Variants in HOGA1 observed in about 807,000 individuals in gnomAD.
HOGA1 encodes 4-hydroxy-2-oxoglutarate aldolase, mitochondrial.
HOGA1 carries 30 observed loss-of-function variants against 34.3 expected under a neutral mutation model. The observed-to-expected ratio is 0.87, with a 90% CI of 0.65 to 1.19. HOGA1 has a LOEUF of 1.19. Ranked by LOEUF, HOGA1 falls within the 50% of genes most tolerant of loss-of-function variation. The pLI is 0.00. For missense variants in HOGA1, 417 were observed against 436.5 expected, an observed-to-expected ratio of 0.96 and a Z score of 0.40; for synonymous variants, 161 against 174.0, an observed-to-expected ratio of 0.93 and a Z score of 0.59.
chr10:97,594,061 G>A (rs190238443), intron 1 of HOGA1, among the ~76,000 whole-genome samples: 8 of 151,632 alleles, frequency 5.3e-5, no homozygotes, highest in South Asian at 2.1e-4. Flanking sequence ...TAGAGATAGC[G>A]TTTCACCACG....
intron 6 of HOGA1, among the ~76,000 whole-genome samples, chr10:97,606,150 A>AT: frequency 6.7e-6 from 1 of 150,326 alleles, no homozygotes; most frequent in Non-Finnish European, 1.5e-5. Context: ...AAAAAAAAAA[A>AT]ATTAGCTGCG....
At chr10:97,600,595 T>A (rs2041108577) in intron 5 of HOGA1, 2 of 260,352 alleles carry the variant, frequency 7.7e-6, no homozygotes, top group Admixed American at 5.0e-5. Flanking sequence ...GCCAGGGATC[T>A]TCAGTTGCCT....
chr10:97,602,232 A>C, intron 6 of HOGA1: 1 of 1,504,630 alleles, frequency 6.6e-7, no homozygotes, highest in East Asian at 2.6e-5. Flanking sequence ...GGGCGAATTA[A>C]AGTTCCAACT....
In HOGA1 at chr10:97,612,011, T is replaced by C. The variant is rs545072905; in HGVS notation, c.*352T>C. 4.9e-5 allele frequency: 10 copies of C among 203,456 alleles called. No individual in the cohort carries two copies. The highest frequency in any genetic ancestry group is 3.5e-4 in the Admixed American group (6 of 17,328). 12.6% of individuals were successfully genotyped at this position (203,456 alleles called of 1,614,324 possible). On this transcript the variant is annotated 3_prime_UTR_variant, in exon 7 of 7. Transcript: ENST00000370646. ...GGGCAAGTAGGCACAGTAAGGGAAT[T>C]TTCTTTTCTTTTTTTTTTTTTTTGA...
At chr10:97,602,280 T>C (rs2041125196) in intron 6 of HOGA1, 2 of 1,374,062 alleles carry the variant, frequency 1.5e-6, no homozygotes, top group African/African-American at 2.9e-5. Flanking sequence ...AAACATCCTG[T>C]GTGATTGTGA....
At chr10:97,600,444 T>G in intron 5 of HOGA1, 1 of 514,050 alleles carries the variant, frequency 1.9e-6, no homozygotes, top group Non-Finnish European at 3.5e-6. Context: ...CATGATTAGA[T>G]GACAAACTTA....
At chr10:97,590,506 T>C (rs527640057) in intron 1 of HOGA1, 8 of 1,612,356 alleles carry the variant, frequency 5.0e-6, no homozygotes, top group Non-Finnish European at 6.8e-6. Flanking sequence ...ATGGCCACAG[T>C]CACCACAGTC....
Position 97,611,678 on chromosome 10 carries a change from G to C in HOGA1, c.*19G>C, listed in dbSNP as rs372613860. ...GCTCTGAGGGCAGGCAGGGTCCATG[G>C]CTGGCCTGAGCCCATCTCAGCCTCC... On this transcript the variant is annotated 3_prime_UTR_variant, in exon 7 of 7. Transcript: ENST00000370646. 6.2e-7 allele frequency: 1 copy of C among 1,606,642 alleles called. No individual in the cohort carries two copies.
intron 1 of HOGA1, 146 bp from the exon 2 acceptor site, chr10:97,598,629 C>T: frequency 9.6e-7 from 1 of 1,046,470 alleles, no homozygotes; most frequent in Non-Finnish European, 1.5e-6. Flanking sequence ...ATGATGTGAA[C>T]AGTCATTGCA....
At chr10:97,590,537 C>T (rs2041013246) in intron 1 of HOGA1, 4 of 1,612,264 alleles carry the variant, frequency 2.5e-6, no homozygotes, top group Non-Finnish European at 3.4e-6. Context: ...CCCAAGCCAC[C>T]AGAGCCACAG....
At position 97,603,274 on chromosome 10, in the gene HOGA1, C is replaced by A. The variant is rs542127187; in HGVS notation, c.834+1284C>A. On this transcript the variant is annotated intron_variant, in intron 6 of 6. Coordinates refer to ENST00000370646, the MANE Select transcript of HOGA1 (RefSeq NM_138413.4). The surrounding 1 kb of genome is among the most constrained non-coding windows in gnomAD (Gnocchi z 4.5). ...CTGCCTCGGCCTCCCAATCTTTTTT[C>A]TTTTATTTTTTTTATTTTCGAAACA... is the stretch of plus-strand genomic sequence containing the variant. Among the ~76,000 whole-genome samples, 1 of 151,886 alleles carries A rather than the reference C, an allele frequency of 6.6e-6. No individual in the cohort carries two copies. The highest frequency in any genetic ancestry group is 2.4e-5 in the African/African-American group (1 of 41,350).
At chr10:97,599,036 T>C in intron 2 of HOGA1, 53 bp from the exon 3 acceptor site, 1 of 1,609,172 alleles carries the variant, frequency 6.2e-7, no homozygotes, top group East Asian at 2.2e-5. Flanking sequence ...TGGCCCAGTG[T>C]CCTGGTCCAG....
intron 1 of HOGA1, among the ~76,000 whole-genome samples, chr10:97,591,467 A>G (rs537456708): frequency 4.5e-4 from 68 of 152,278 alleles, no homozygotes; most frequent in Admixed American, 1.6e-3. Flanking sequence ...TTACATGGGC[A>G]GGATGTTCAG....
intron 1 of HOGA1, chr10:97,590,817 G>A (rs545359905): frequency 1.1e-4 from 62 of 585,744 alleles, no homozygotes; most frequent in Middle Eastern, 9.4e-4. Flanking sequence ...CACAGCGCAG[G>A]TGAGATAGAC....
At chr10:97,591,385 G>C (rs2041021554) in intron 1 of HOGA1, among the ~76,000 whole-genome samples, 1 of 152,138 alleles carries the variant, frequency 6.6e-6, no homozygotes, top group Admixed American at 6.5e-5. Context: ...TACTGAGTGA[G>C]CACAACACTT....
At chr10:97,585,099 C>T (rs1030046742) in intron 1 of HOGA1, among the ~76,000 whole-genome samples, 185 bp downstream of exon 1, 12 of 152,178 alleles carry the variant, frequency 7.9e-5, no homozygotes, top group Non-Finnish European at 1.6e-4. Flanking sequence ...GGAAGCTCCA[C>T]GCTGGCCTGT....
chr10:97,595,422 T>G (rs992134363), intron 1 of HOGA1, among the ~76,000 whole-genome samples: 10 of 152,192 alleles, frequency 6.6e-5, no homozygotes, highest in African/African-American at 2.4e-4. Flanking sequence ...AGGCTGGGTG[T>G]GATGGCTCAT....
chr10:97,602,363 G>C, intron 6 of HOGA1: 1 of 1,199,962 alleles, frequency 8.3e-7, no homozygotes, highest in Non-Finnish European at 1.1e-6. Context: ...CTAAATCCGT[G>C]CTATCGGGGG....
At chr10:97,596,708 CAA>C (rs34186645) in intron 1 of HOGA1, among the ~76,000 whole-genome samples, 81 of 89,322 alleles carry the variant, frequency 9.1e-4, no homozygotes, top group South Asian at 1.8e-3. Context: ...AAATAACTAC[CAA>C]AAAAAAAAAA....
Sources: gnomAD v4.1 joint callset for allele counts (sites outside exome capture counted in the v4.1 genomes callset) on GRCh38, gnomAD v4.1.1 for gene constraint, Gnocchi (gnomAD v3.1) non-coding constraint, MANE v1.5 for transcripts, NCBI Gene and HGNC (gene_info 2026-07-23, HGNC 2026-07-21) for gene names.